Variants in ALOX12B observed in about 807,000 individuals in gnomAD.
The protein encoded by ALOX12B is arachidonate 12-lipoxygenase, 12R type.
In ALOX12B, 47 loss-of-function variants were observed where a neutral mutation model predicts 78.9. The ratio of observed to expected loss-of-function variants is 0.60; its 90% confidence interval spans 0.47 to 0.76. The LOEUF is 0.76. ALOX12B is among the 30% of genes least tolerant of loss of function. The pLI is 0.00. For missense variants in ALOX12B, 805 were observed against 922.6 expected, an observed-to-expected ratio of 0.87 and a Z score of 1.65; for synonymous variants, 370 against 374.5, an observed-to-expected ratio of 0.99 and a Z score of 0.14.
rs1977085406 is a variant in ALOX12B at position 8,076,488 on chromosome 17, CA to C, written c.1363-145del. On this transcript the variant is annotated intron_variant, in intron 10 of 14. Transcript: ENST00000647874. ...ACAATCCTGCTCTGGGCCAGCACAC[CA>C]GCCCTGCCTCTGCTCCTTTCTAGAC... 4.7e-6 allele frequency: 6 copies of C among 1,283,006 alleles called. No individual in the cohort carries two copies. In the East Asian group the frequency reaches 1.5e-4, roughly 32 times the overall value. 79.5% of individuals were successfully genotyped at this position (1,283,006 alleles called of 1,614,324 possible). A position where few individuals can be genotyped will look rare whatever the true frequency, so the allele number is the denominator to read the frequency against.
In ALOX12B at chr17:8,079,702, GA is replaced by G. The variant is rs1395455660; in HGVS notation, c.927+66del. Reference sequence around the variant, plus strand: ...GACTGGCGCGGGCGCCGGAGGTGGGGAGAGACGGGGATGCCCGCGAGGGAGG... The same window carrying G: ...GACTGGCGCGGGCGCCGGAGGTGGGGGAGACGGGGATGCCCGCGAGGGAGG... On this transcript the variant is annotated intron_variant, in intron 7 of 14. Transcript: ENST00000647874. The surrounding 1 kb of genome is among the most constrained non-coding windows in gnomAD (Gnocchi z 6.4). 1.3e-6 allele frequency: 2 copies of G among 1,563,850 alleles called. No homozygotes were observed. Among genetic ancestry groups the G allele is most frequent in the African/African-American group, 2.7e-5 (2 of 73,514 alleles).
chr17:8,084,107 G>C (rs540378699), intron 2 of ALOX12B, among the ~76,000 whole-genome samples: 2 of 152,040 alleles, frequency 1.3e-5, no homozygotes, highest in South Asian at 4.2e-4. Flanking sequence ...GCAGTGAGCC[G>C]AGATTGCGCC....
At chr17:8,084,307 C>T (rs1158152015) in intron 2 of ALOX12B, among the ~76,000 whole-genome samples, 2 of 152,212 alleles carry the variant, frequency 1.3e-5, no homozygotes, top group African/African-American at 4.8e-5. Context: ...CCTCAAGTCC[C>T]TTACCTCACC....
In ALOX12B at chr17:8,075,628, A is replaced by G; in HGVS notation, c.1621T>C (p.Phe541Leu). The change falls in exon 12 of 15, where the codon TTT becomes CTT. Residue 541 changes from phenylalanine to leucine, a missense_variant. Transcript: ENST00000647874. The stretch of plus-strand genomic sequence containing the variant: ...TCCCGCCCCAGGAGGCACTCTTTAA[A>G]TATTTCCTGCACCCAAGACTGCAAT... Reference protein sequence around the residue: ...PELQSWVQEIFKECLLGRESS... With the variant: ...PELQSWVQEILKECLLGRESS... 5 of 1,614,082 alleles carry G rather than the reference A, an allele frequency of 3.1e-6. No homozygotes were observed. The highest frequency in any genetic ancestry group is 2.2e-5 in the East Asian group (1 of 44,866).
At chr17:8,075,300 G>A (rs74700499) in intron 12 of ALOX12B, among the ~76,000 whole-genome samples, 2 of 152,278 alleles carry the variant, frequency 1.3e-5, no homozygotes, top group East Asian at 3.9e-4. Context: ...AGTCCACAAA[G>A]ATTTGTTTCT....
Position 8,080,513 on chromosome 17 carries a change from C to T in ALOX12B, c.650+145G>A. On this transcript the variant is annotated intron_variant, in intron 5 of 14. Transcript: ENST00000647874. The surrounding 1 kb of genome is among the most constrained non-coding windows in gnomAD (Gnocchi z 4.8). ...CATCTCTAGGTCTCTGGGATCATGT[C>T]TCAGGTTTTCTGGGTCTGCGTTTCA... 2 of 1,437,406 alleles carry T rather than the reference C, an allele frequency of 1.4e-6. No homozygotes were observed. Among genetic ancestry groups the T allele is most frequent in the South Asian group, 1.2e-5 (1 of 84,606 alleles). The allele number at this position is 1,437,406 out of a possible 1,614,324, so 89.0% of individuals were successfully genotyped here.
chr17:8,080,279 T>C lies in ALOX12B; in HGVS notation c.710A>G (p.Lys237Arg). The C allele has an allele frequency of 6.2e-7, 1 of 1,614,232 alleles. No homozygotes were observed. The highest frequency in any genetic ancestry group is 8.5e-7 in the Non-Finnish European group (1 of 1,180,040). The change falls in exon 6 of 15, where the codon AAG (lysine) becomes AGG (arginine). Residue 237 changes from lysine (K) to arginine (R), a missense_variant. Physicochemically the swap from Lys to Arg is conservative, Grantham distance 26. Coordinates refer to ENST00000647874, the MANE Select transcript of ALOX12B (RefSeq NM_001139.3). This position sits in a 1 kb window ranked among gnomAD's most constrained non-coding sequence, Gnocchi z 4.8. ...GCCAGGGAAAATTTTCCTAATGTCC[T>C]TCAGCCTCTTCCACGAATGTTTGCA... ...LDCKHSWKRLKDIRKIFPGKK... is the reference protein window; with the variant it reads ...LDCKHSWKRLRDIRKIFPGKK...
intron 1 of ALOX12B, among the ~76,000 whole-genome samples, chr17:8,086,710 C>A (rs1181965294): frequency 6.6e-6 from 1 of 152,198 alleles, no homozygotes; most frequent in African/African-American, 2.4e-5. Flanking sequence ...ACCCGCAAAG[C>A]GTGCCTTCCA....
intron 11 of ALOX12B, 115 bp downstream of exon 11, chr17:8,076,060 G>T (rs1337219337): frequency 7.1e-7 from 1 of 1,415,598 alleles, no homozygotes; most frequent in Non-Finnish European, 9.8e-7. Flanking sequence ...CTTCCCCAAG[G>T]CCAAGCCCCT....
chr17:8,080,085 G>C lies in ALOX12B; in HGVS notation c.755-144C>G. 6.8e-7 allele frequency: 1 copy of C among 1,477,222 alleles called. No homozygotes were observed. The highest frequency in any genetic ancestry group is 1.1e-5 in the South Asian group (1 of 87,006). 91.5% of individuals were successfully genotyped at this position (1,477,222 alleles called of 1,614,324 possible). A position where few individuals can be genotyped will look rare whatever the true frequency, so the allele number is the denominator to read the frequency against. On this transcript the variant is annotated intron_variant, in intron 6 of 14. Coordinates refer to ENST00000647874, the MANE Select transcript of ALOX12B (RefSeq NM_001139.3). This position sits in a 1 kb window ranked among gnomAD's most constrained non-coding sequence, Gnocchi z 4.8. Reference sequence around the variant, plus strand: ...AGCCTGGCGCTGAGCGGCCGGAGGAGCCCGGTGCGACATTTTCCAAGAAGC... The same window carrying C: ...AGCCTGGCGCTGAGCGGCCGGAGGACCCCGGTGCGACATTTTCCAAGAAGC...
chr17:8,073,620 C>T (rs1412884818), intron 13 of ALOX12B, 37 bp downstream of exon 13: 5 of 1,583,420 alleles, frequency 3.2e-6, no homozygotes, highest in Non-Finnish European at 4.3e-6. Flanking sequence ...AAGGTCTGAG[C>T]CTCGGGCTGG....
rs752926650 is a variant in ALOX12B, at chr17:8,072,980, CA to C, written c.1927-31del. The C allele has an allele frequency of 3.1e-6, 5 of 1,601,034 alleles. No homozygotes were observed. The African/African-American group carries it at 6.7e-5, about 21-fold the overall frequency. On this transcript the variant is annotated intron_variant, in intron 14 of 14. Coordinates refer to ENST00000647874, the MANE Select transcript of ALOX12B (RefSeq NM_001139.3). Reference sequence around the variant, plus strand: ...GGGCAGAGAGCTCGACAGCTGGGACCAGGGCCGGCCAGCACCCCCTCCTCCT... The same window carrying C: ...GGGCAGAGAGCTCGACAGCTGGGACCGGGCCGGCCAGCACCCCCTCCTCCT...
intron 12 of ALOX12B, 41 bp from the exon 13 acceptor site, chr17:8,073,798 C>G: frequency 1.3e-6 from 2 of 1,535,380 alleles, no homozygotes; most frequent in Non-Finnish European, 9.0e-7. Context: ...TCAGTCGTGC[C>G]CTGGTACTGG....
chr17:8,084,459 C>G (rs1298891970), intron 2 of ALOX12B, among the ~76,000 whole-genome samples: 1 of 152,192 alleles, frequency 6.6e-6, no homozygotes, highest in Non-Finnish European at 1.5e-5. Flanking sequence ...ATGGGTGACT[C>G]AAGTCTCCCT....
intron 12 of ALOX12B, among the ~76,000 whole-genome samples, chr17:8,074,018 T>G (rs1037421780): frequency 3.3e-5 from 5 of 152,066 alleles, no homozygotes; most frequent in Non-Finnish European, 7.4e-5. Flanking sequence ...GGCCCTCAGA[T>G]CTCTCTTCCA....
At position 8,073,705 on chromosome 17, in the gene ALOX12B, TATAGTGAC is replaced by T; in HGVS notation, c.1699_1706del (p.Val567SerfsTer38). On this transcript the variant is annotated frameshift_variant, in exon 13 of 15. Transcript: ENST00000647874. ...GCTTGGCAGAGCAGGTGTAGATGAC[TATAGTGAC>T]ATATCGGATCAGCTCAGGCACGGTT... is the stretch of plus-strand genomic sequence containing the variant. The T allele has an allele frequency of 6.2e-7, 1 of 1,613,814 alleles. No homozygotes were observed. Among genetic ancestry groups the T allele is most frequent in the Non-Finnish European group, 8.5e-7 (1 of 1,179,896 alleles).
intron 11 of ALOX12B, 96 bp from the exon 12 acceptor site, chr17:8,075,812 G>C: frequency 6.2e-7 from 1 of 1,602,882 alleles, no homozygotes; most frequent in Admixed American, 1.7e-5. Context: ...GACCTCAGTT[G>C]GCCCCAGAGC....
In ALOX12B at chr17:8,080,444, C is replaced by T; in HGVS notation, c.651-106G>A. ...CACTTAGGTCTCTGGGTCTCAGGGT[C>T]TGTGCGTCGCAAAGTCTCTGGGTCC... On this transcript the variant is annotated intron_variant, in intron 5 of 14. Coordinates refer to ENST00000647874, the MANE Select transcript of ALOX12B (RefSeq NM_001139.3). The surrounding 1 kb of genome is among the most constrained non-coding windows in gnomAD (Gnocchi z 4.8). 3 of 1,425,056 alleles carry T rather than the reference C, an allele frequency of 2.1e-6. No individual in the cohort carries two copies. Among genetic ancestry groups the T allele is most frequent in the Non-Finnish European group, 3.0e-6 (3 of 1,010,918 alleles). The allele number at this position is 1,425,056 out of a possible 1,614,324, so 88.3% of individuals were successfully genotyped here.
At position 8,076,733 on chromosome 17, in the gene ALOX12B, G is replaced by A. The variant is rs1977092498; in HGVS notation, c.1286C>T (p.Pro429Leu). Residue 429 changes from proline (P) to leucine (L), a missense_variant, in exon 10 of 15, where the codon CCC (proline) becomes CTC (leucine). Pro to Leu is a moderately conservative substitution (Grantham distance 98). Coordinates refer to ENST00000647874, the MANE Select transcript of ALOX12B (RefSeq NM_001139.3). ...MCHPLYKLLI[P>L]HTRYTVQINS... The stretch of plus-strand genomic sequence containing the variant: ...GATCTGGACGGTGTATCGGGTATGG[G>A]GGATGAGGAGCTGTGGGGAGAGCAA... 2 of 1,550,530 alleles carry A rather than the reference G, an allele frequency of 1.3e-6. No homozygotes were observed. Among genetic ancestry groups the A allele is most frequent in the Middle Eastern group, 2.1e-4 (1 of 4,788 alleles).
Sources: gnomAD v4.1 joint callset for allele counts (sites outside exome capture counted in the v4.1 genomes callset) on GRCh38, gnomAD v4.1.1 for gene constraint, Gnocchi (gnomAD v3.1) non-coding constraint, MANE v1.5 for transcripts, NCBI Gene and HGNC (gene_info 2026-07-23, HGNC 2026-07-21) for gene names.